Variants in AFAP1L1 observed in about 807,000 individuals in gnomAD.
The protein encoded by AFAP1L1 is actin filament associated protein 1 like 1.
AFAP1L1 carries 77 observed loss-of-function variants against 99.8 expected under a neutral mutation model. The observed-to-expected ratio is 0.77, with a 90% CI of 0.64 to 0.93. The LOEUF is 0.93. Ranked by LOEUF, AFAP1L1 falls within the 40% of genes least tolerant of loss-of-function variation. The probability of loss-of-function intolerance (pLI) is 0.00; values close to 1 mark genes in which losing one functional copy is unlikely to be tolerated. For missense variants in AFAP1L1, 893 were observed against 996.8 expected (o/e 0.90, Z 1.40); for synonymous variants, 373 against 395.3 (o/e 0.94, Z 0.67).
Position 149,319,710 on chromosome 5 carries a change from T to C in AFAP1L1, c.1608T>C (p.Ala536=). Residue 536 remains alanine (A), a synonymous_variant, in exon 13 of 19, where the codon GCT becomes GCC. Transcript: ENST00000296721. ...DVETLTSIVS[A]GRNSFLYARS... is the part of the protein sequence containing the mutation. ...AGACCTTAACCAGCATCGTCAGTGC[T>C]GGGCGCAACTCCTTCCTGTAAGTGT... 6.2e-7 allele frequency: 1 copy of C among 1,612,140 alleles called. No homozygotes were observed. The highest frequency in any genetic ancestry group is 2.2e-4 in the Middle Eastern group (1 of 4,508).
At chr5:149,328,823 A>T (rs991202360) in intron 15 of AFAP1L1, among the ~76,000 whole-genome samples, 18 of 151,996 alleles carry the variant, frequency 1.2e-4, no homozygotes, top group Non-Finnish European at 1.5e-4. Context: ...CAAAATAAAT[A>T]AAAAAAATAA....
chr5:149,300,789 CAGAA>C (rs1389146528), intron 3 of AFAP1L1, among the ~76,000 whole-genome samples: 1 of 152,268 alleles, frequency 6.6e-6, no homozygotes. Context: ...CTGTTCAACA[CAGAA>C]AGAAAGCTAC....
intron 15 of AFAP1L1, among the ~76,000 whole-genome samples, chr5:149,328,282 C>T (rs1161576952): frequency 1.3e-5 from 2 of 152,044 alleles, no homozygotes; most frequent in African/African-American, 2.4e-5. Context: ...TATTCTGCAC[C>T]GACTTATATA....
intron 1 of AFAP1L1, among the ~76,000 whole-genome samples, chr5:149,298,149 C>T (rs1756074306): frequency 6.6e-6 from 1 of 152,210 alleles, no homozygotes; most frequent in Non-Finnish European, 1.5e-5. Flanking sequence ...CCAGGCCCTG[C>T]AGCTCCGGGT....
At position 149,301,152 on chromosome 5, in the gene AFAP1L1, T is replaced by C; in HGVS notation, c.249T>C (p.Leu83=). 6.2e-7 allele frequency: 1 copy of C among 1,614,018 alleles called. No homozygotes were observed. Among genetic ancestry groups the C allele is most frequent in the South Asian group, 1.1e-5 (1 of 91,078 alleles). The change falls in exon 4 of 19, where the codon CTT becomes CTC. Residue 83 remains leucine, a synonymous_variant. Transcript: ENST00000296721. ...FEEFDCDLSD[L]RDMPEDDGEP... The stretch of plus-strand genomic sequence containing the variant: ...CTGTAGACTGTGACCTGAGTGACCT[T>C]CGGGACATGCCAGAGGATGATGGGG...
rs1757575365 is a variant in AFAP1L1 at position 149,342,127 on chromosome 5, T to C, written c.*2097T>C. Among the ~76,000 whole-genome samples the C allele has an allele frequency of 6.6e-6, 1 of 152,184 alleles. No homozygotes were observed. The highest frequency in any genetic ancestry group is 2.1e-4 in the South Asian group (1 of 4,826). ...GGGCCCCATGCTTAGAAGGGCCCTG[T>C]TCTTGGTTTAATGCTCTACTATTGC... On this transcript the variant is annotated 3_prime_UTR_variant, in exon 19 of 19. Transcript: ENST00000296721.
intron 1 of AFAP1L1, among the ~76,000 whole-genome samples, chr5:149,291,553 AAGAAAG>A (rs1301568358): frequency 7.1e-6 from 1 of 141,594 alleles, no homozygotes; most frequent in African/African-American, 2.6e-5. Context: ...AAAAAAAAGA[AAGAAAG>A]AAGAGAAAAG....
In AFAP1L1 at chr5:149,306,356, G is replaced by A; in HGVS notation, c.487G>A (p.Asp163Asn). 4.3e-6 allele frequency: 7 copies of A among 1,613,626 alleles called. No homozygotes were observed. The highest frequency in any genetic ancestry group is 5.9e-6 in the Non-Finnish European group (7 of 1,179,796). Reference sequence around the variant, plus strand: ...TGTGGATGGCTACTATGAGGACGCAGACAGCAGCTACCCTGCAACCAGGGT... The same window carrying A: ...TGTGGATGGCTACTATGAGGACGCAAACAGCAGCTACCCTGCAACCAGGGT... The part of the protein sequence containing the change: ...SIVDGYYEDA[D>N]SSYPATRVNG... Residue 163 changes from aspartate to asparagine, a missense_variant, in exon 6 of 19, where the codon GAC becomes AAC. Asp to Asn is a conservative substitution (Grantham distance 23, BLOSUM62 1). Coordinates refer to ENST00000296721, the MANE Select transcript of AFAP1L1 (RefSeq NM_152406.4).
intron 15 of AFAP1L1, among the ~76,000 whole-genome samples, chr5:149,326,571 A>T (rs202060739): frequency 0.11 from 16,392 of 148,516 alleles, 1,239 homozygotes; most frequent in Non-Finnish European, 0.16. Context: ...AAGAAAGAAA[A>T]ATATATATAT....
intron 8 of AFAP1L1, among the ~76,000 whole-genome samples, chr5:149,310,362 T>C (rs1414975794): frequency 6.6e-6 from 1 of 152,208 alleles, no homozygotes; most frequent in Admixed American, 6.5e-5. Context: ...TGAATTCCCT[T>C]TCCAAATCCT....
At chr5:149,307,858 T>TCTCTCTCTCTCTCTCTCTCTC (rs1561672922) in intron 7 of AFAP1L1, among the ~76,000 whole-genome samples, 1 of 11,166 alleles carries the variant, frequency 9.0e-5, no homozygotes, top group African/African-American at 2.4e-4. Context: ...CTCTCTCTCT[T>TCTCTCTCTCTCTCTCTCTCTC]AAATTTAAAG....
At chr5:149,272,092 G>A in intron 1 of AFAP1L1, 108 bp downstream of exon 1, 2 of 1,117,766 alleles carry the variant, frequency 1.8e-6, no homozygotes, top group Non-Finnish European at 1.1e-6. Context: ...GGTGGGGCGG[G>A]GGCTGAGGAA....
Position 149,342,775 on chromosome 5 carries a change from G to A in AFAP1L1, c.*2745G>A, listed in dbSNP as rs1757593021. 6.6e-6 allele frequency among the ~76,000 whole-genome samples: 1 copy of A among 151,866 alleles called. No homozygotes were observed. The highest frequency in any genetic ancestry group is 2.4e-5 in the African/African-American group (1 of 41,128). ...AAAAATACAAAAGTTAGCTGGGCAC[G>A]GTGGCACATGCCGGTAGTCCCAGCT... On this transcript the variant is annotated 3_prime_UTR_variant, in exon 19 of 19. Transcript: ENST00000296721.
chr5:149,289,377 C>T (rs1313310138), intron 1 of AFAP1L1, among the ~76,000 whole-genome samples: 2 of 151,574 alleles, frequency 1.3e-5, no homozygotes, highest in Non-Finnish European at 1.5e-5. Flanking sequence ...ACCTCACTGC[C>T]TCTGCCGTCC....
chr5:149,338,044 T>C (rs1757454982), intron 18 of AFAP1L1, among the ~76,000 whole-genome samples: 1 of 152,252 alleles, frequency 6.6e-6, no homozygotes, highest in Non-Finnish European at 1.5e-5. Context: ...TGATCATTTA[T>C]GAGCTGAAAT....
rs749141691 is a variant in AFAP1L1, at chr5:149,332,722, C to A, written c.2003C>A (p.Ala668Asp). 1.9e-6 allele frequency: 3 copies of A among 1,613,662 alleles called. No individual in the cohort carries two copies. The South Asian group carries it at 3.3e-5, about 18-fold the overall frequency. Residue 668 changes from alanine (A) to aspartate (D), a missense_variant, in exon 17 of 19, where the codon GCC becomes GAC. Coordinates refer to ENST00000296721, the MANE Select transcript of AFAP1L1 (RefSeq NM_152406.4). ...GCAAAATTAAAGGCTCTGGAAGAAG[C>A]CGTGGCCACCCTGGAAGCTCAGTGT... ...PGAKLKALEE[A>D]VATLEAQCRA...
intron 16 of AFAP1L1, among the ~76,000 whole-genome samples, chr5:149,330,831 A>G (rs1461074558): frequency 6.6e-6 from 1 of 152,206 alleles, no homozygotes; most frequent in Non-Finnish European, 1.5e-5. Flanking sequence ...ACACACAAAT[A>G]TAAGCACCAT....
At chr5:149,291,481 G>A (rs149689538) in intron 1 of AFAP1L1, among the ~76,000 whole-genome samples, 3,817 of 122,476 alleles carry the variant, frequency 0.031, 82 homozygotes, top group Non-Finnish European at 0.039. Flanking sequence ...AGCCGAGATC[G>A]CACCACTGCA....
chr5:149,322,655 C>T lies in AFAP1L1; in HGVS notation c.1748C>T (p.Ser583Phe). 1.3e-6 allele frequency: 2 copies of T among 1,594,442 alleles called. No homozygotes were observed. Among genetic ancestry groups the T allele is most frequent in the Non-Finnish European group, 1.7e-6 (2 of 1,169,758 alleles). ...GGGGCCCAGGTGAAGCGTCACGCCT[C>T]CTCCTGCAGTGAGAAGTCCCATCGT... is the stretch of plus-strand genomic sequence containing the variant. The part of the protein sequence containing the change: ...PTGAQVKRHA[S>F]SCSEKSHRVD... The change falls in exon 15 of 19, where the codon TCC (serine) becomes TTC (phenylalanine). Residue 583 changes from serine to phenylalanine, a missense_variant. Ser to Phe is a radical substitution (Grantham distance 155). Transcript: ENST00000296721.
Sources: gnomAD v4.1 joint callset for allele counts (sites outside exome capture counted in the v4.1 genomes callset) on GRCh38, gnomAD v4.1.1 for gene constraint, MANE v1.5 for transcripts, NCBI Gene and HGNC (gene_info 2026-07-23, HGNC 2026-07-21) for gene names.